Variants in SH3BGR observed in about 807,000 individuals in gnomAD.
SH3BGR encodes SH3 domain binding glutamate rich protein.
In SH3BGR, 29 loss-of-function variants were observed where a neutral mutation model predicts 24.5. The ratio of observed to expected loss-of-function variants is 1.18; its 90% CI spans 0.88 to 1.61. SH3BGR has a LOEUF of 1.61. Ranked by LOEUF, SH3BGR falls within the 40% of genes most tolerant of loss-of-function variation. The probability of loss-of-function intolerance (pLI) is 0.00; values close to 1 mark genes in which losing one functional copy is unlikely to be tolerated. For synonymous variants in SH3BGR, 55 were observed against 65.7 expected (o/e 0.84, Z 0.79); for missense variants, 162 against 205.8 (o/e 0.79, Z 1.30).
intron 1 of SH3BGR, among the ~76,000 whole-genome samples, chr21:39,454,910 G>C (rs1388921211): frequency 1.3e-5 from 2 of 152,320 alleles, no homozygotes; most frequent in East Asian, 3.9e-4. Context: ...GCTTTTCCAT[G>C]CATCATCTTC....
chr21:39,497,616 G>A (rs2078420929), intron 3 of SH3BGR, among the ~76,000 whole-genome samples: 1 of 151,786 alleles, frequency 6.6e-6, no homozygotes, highest in Admixed American at 6.6e-5. Flanking sequence ...GTAAAAATGA[G>A]CAATGCATTC....
Position 39,452,013 on chromosome 21 carries a change from T to TG in SH3BGR, c.-83dup, listed in dbSNP as rs1310123588. On this transcript the variant is annotated 5_prime_UTR_variant, in exon 1 of 7. Coordinates refer to ENST00000333634, the MANE Select transcript of SH3BGR (RefSeq NM_007341.3). Reference sequence around the variant, plus strand: ...TGCCAGCCCCGACCTGGCACTTGCTTGCCTGTGTCACTGTCAGGATTTGTC... The same window carrying TG: ...TGCCAGCCCCGACCTGGCACTTGCTTGGCCTGTGTCACTGTCAGGATTTGTC... 10 of 1,614,216 alleles carry TG rather than the reference T, an allele frequency of 6.2e-6. No individual in the cohort carries two copies. Among genetic ancestry groups the TG allele is most frequent in the Non-Finnish European group, 8.5e-6 (10 of 1,180,042 alleles).
intron 3 of SH3BGR, among the ~76,000 whole-genome samples, chr21:39,482,494 T>C (rs1329815369): frequency 2.0e-5 from 3 of 152,208 alleles, no homozygotes; most frequent in African/African-American, 4.8e-5. Context: ...TTTTCTTAGA[T>C]GTGATAAAAA....
chr21:39,473,875 A>G (rs1452248325), intron 2 of SH3BGR, among the ~76,000 whole-genome samples: 1 of 90,274 alleles, frequency 1.1e-5, no homozygotes. Flanking sequence ...ACACAGTGAG[A>G]CTCTGTCTCA....
intron 3 of SH3BGR, among the ~76,000 whole-genome samples, chr21:39,476,023 C>G (rs150989513): frequency 1.3e-5 from 2 of 152,130 alleles, no homozygotes; most frequent in Non-Finnish European, 2.9e-5. Flanking sequence ...GAGACACACA[C>G]GTGGAAGCTG....
At chr21:39,457,096 TATTA>T (rs1329921327) in intron 1 of SH3BGR, among the ~76,000 whole-genome samples, 6 of 147,810 alleles carry the variant, frequency 4.1e-5, no homozygotes, top group Non-Finnish European at 7.4e-5. Context: ...AATTACTTGA[TATTA>T]ATTTATATTA....
intron 3 of SH3BGR, among the ~76,000 whole-genome samples, chr21:39,497,184 T>C (rs912774429): frequency 1.6e-4 from 24 of 150,538 alleles, no homozygotes; most frequent in African/African-American, 5.6e-4. Flanking sequence ...TAATTTTTAT[T>C]TTCATTGTAT....
At chr21:39,488,295 G>A (rs376138931) in intron 3 of SH3BGR, 1 of 186,256 alleles carries the variant, frequency 5.4e-6, no homozygotes, top group South Asian at 1.2e-4. Flanking sequence ...ATGCATTCTG[G>A]CCTGTAGCTG....
chr21:39,487,947 A>C (rs1325290606), intron 3 of SH3BGR, among the ~76,000 whole-genome samples: 1 of 152,216 alleles, frequency 6.6e-6, no homozygotes, highest in African/African-American at 2.4e-5. Context: ...ACATTTGTTG[A>C]GAAGCATAAA....
At chr21:39,474,305 G>A (rs752344228) in intron 2 of SH3BGR, among the ~76,000 whole-genome samples, 1 of 152,126 alleles carries the variant, frequency 6.6e-6, no homozygotes, top group Non-Finnish European at 1.5e-5. Context: ...AGTAGGGTAG[G>A]CAAAGAACAA....
At chr21:39,459,897 G>T (rs1051956742) in intron 1 of SH3BGR, among the ~76,000 whole-genome samples, 3 of 152,132 alleles carry the variant, frequency 2.0e-5, no homozygotes, top group Non-Finnish European at 4.4e-5. Flanking sequence ...GTTTCTCCCT[G>T]TGGTTATTAA....
chr21:39,456,799 C>T (rs768544531), intron 1 of SH3BGR, among the ~76,000 whole-genome samples: 3 of 152,192 alleles, frequency 2.0e-5, no homozygotes, highest in East Asian at 1.9e-4. Context: ...TTTATTTGTC[C>T]GTGCTTGCCC....
intron 2 of SH3BGR, among the ~76,000 whole-genome samples, chr21:39,467,692 G>A (rs1375347169): frequency 1.3e-5 from 2 of 152,078 alleles, no homozygotes; most frequent in Non-Finnish European, 2.9e-5. Flanking sequence ...GGTCTCCCTG[G>A]CTTCTGAAGA....
At chr21:39,484,641 A>G (rs1196537196) in intron 3 of SH3BGR, among the ~76,000 whole-genome samples, 1 of 152,192 alleles carries the variant, frequency 6.6e-6, no homozygotes, top group Non-Finnish European at 1.5e-5. Context: ...AACCTGGCCT[A>G]GAGATACCTA....
chr21:39,450,476 T>A (rs763340946), upstream of SH3BGR, among the ~76,000 whole-genome samples: 8 of 152,164 alleles, frequency 5.3e-5, no homozygotes, highest in African/African-American at 9.7e-5. Flanking sequence ...GTGGGAAACA[T>A]GCCTCTGGGG....
chr21:39,503,482 C>T (rs8131078), intron 4 of SH3BGR, among the ~76,000 whole-genome samples: 12,693 of 152,074 alleles, frequency 0.083, 744 homozygotes, highest in African/African-American at 0.16. Context: ...AAACACAAAA[C>T]GAGCAAAAAA....
intron 4 of SH3BGR, among the ~76,000 whole-genome samples, chr21:39,506,001 C>A (rs2078576463): frequency 6.6e-6 from 1 of 152,088 alleles, no homozygotes; most frequent in Non-Finnish European, 1.5e-5. Flanking sequence ...TATTCTGATC[C>A]TATGTGAAGA....
intron 3 of SH3BGR, among the ~76,000 whole-genome samples, chr21:39,480,817 A>G (rs1437258936): frequency 6.6e-6 from 1 of 152,200 alleles, no homozygotes; most frequent in Non-Finnish European, 1.5e-5. Context: ...TACATTTGCA[A>G]AAAGTCCCTT....
intron 2 of SH3BGR, among the ~76,000 whole-genome samples, chr21:39,463,773 A>G (rs755050646): frequency 7.2e-5 from 11 of 152,222 alleles, no homozygotes; most frequent in African/African-American, 1.7e-4. Flanking sequence ...AAGATTTACT[A>G]TCTGCTTGTT....
Sources: allele counts gnomAD v4.1 joint callset (sites outside exome capture counted in the v4.1 genomes callset), GRCh38; gene constraint gnomAD v4.1.1; transcripts MANE v1.5; gene names NCBI Gene and HGNC (gene_info 2026-07-23, HGNC 2026-07-21).